Variants in PIK3C2G observed in about 807,000 individuals in gnomAD.
The protein encoded by PIK3C2G is phosphatidylinositol-4-phosphate 3-kinase catalytic subunit type 2 gamma.
In PIK3C2G, 168 loss-of-function variants were observed where a neutral mutation model predicts 181.1. The observed-to-expected ratio is 0.93, with a 90% CI of 0.82 to 1.05. The LOEUF is 1.05. PIK3C2G is among the 50% of genes least tolerant of loss of function. The probability of loss-of-function intolerance (pLI) is 0.00; values close to 1 mark genes in which losing one functional copy is unlikely to be tolerated. For synonymous variants in PIK3C2G, 573 were observed against 592.2 expected (o/e 0.97, Z 0.47); for missense variants, 1,869 against 1,732.8 (o/e 1.08, Z -1.40).
chr12:18,698,640 CT>C, the PIK3C2G span, among the ~76,000 whole-genome samples: 1 of 151,896 alleles, frequency 6.6e-6, no homozygotes, highest in Non-Finnish European at 1.5e-5. Context: ...ATTTTTTTAA[CT>C]TTTAATTTTT....
At chr12:18,390,585 T>G (rs1036820271) in intron 14 of PIK3C2G, among the ~76,000 whole-genome samples, 49 of 152,282 alleles carry the variant, frequency 3.2e-4, no homozygotes, top group African/African-American at 1.2e-3. Flanking sequence ...AAATATTCTA[T>G]TTGATTTTTT....
chr12:18,720,857 G>T, the PIK3C2G span, among the ~76,000 whole-genome samples: 1 of 152,044 alleles, frequency 6.6e-6, no homozygotes, highest in East Asian at 1.9e-4. Flanking sequence ...ATACTAAGCA[G>T]CCATTAAGAA....
chr12:18,597,795 C>T (rs1947460010), intron 30 of PIK3C2G, among the ~76,000 whole-genome samples: 1 of 151,866 alleles, frequency 6.6e-6, no homozygotes, highest in South Asian at 2.1e-4. Flanking sequence ...GCAACTTCAG[C>T]AAAGTCTCAG....
intron 11 of PIK3C2G, among the ~76,000 whole-genome samples, chr12:18,357,027 T>C (rs1940806205): frequency 6.6e-6 from 1 of 152,068 alleles, no homozygotes; most frequent in Non-Finnish European, 1.5e-5. Context: ...TCTGTATCAA[T>C]ACCAAACTCT....
intron 29 of PIK3C2G, among the ~76,000 whole-genome samples, chr12:18,585,436 AG>A (rs1946719532): frequency 6.6e-6 from 1 of 151,978 alleles, no homozygotes; most frequent in Admixed American, 6.6e-5. Flanking sequence ...AGATAAGAAA[AG>A]AAAAAAAAAA....
intron 10 of PIK3C2G, 90 bp downstream of exon 10, chr12:18,343,450 T>A (rs1477483134): frequency 1.2e-5 from 8 of 641,344 alleles, no homozygotes; most frequent in Non-Finnish European, 2.2e-5. Context: ...TTTATGCAAA[T>A]ACTGTGGTAA....
At chr12:18,655,907 T>C in the PIK3C2G span, among the ~76,000 whole-genome samples, 1,758 of 152,310 alleles carry the variant, frequency 0.012, 14 homozygotes, top group Non-Finnish European at 0.019. Flanking sequence ...GACTACTCTA[T>C]GTAATGTGGT....
chr12:18,587,744 C>CAACCA (rs1321799256), intron 29 of PIK3C2G, among the ~76,000 whole-genome samples: 3 of 150,528 alleles, frequency 2.0e-5, no homozygotes, highest in African/African-American at 4.9e-5. Flanking sequence ...ACAACAATAA[C>CAACCA]AACCAAACAA....
intron 5 of PIK3C2G, among the ~76,000 whole-genome samples, chr12:18,310,601 T>A (rs961879447): frequency 2.0e-5 from 3 of 151,858 alleles, no homozygotes; most frequent in Non-Finnish European, 4.4e-5. Context: ...AGTAATTAAA[T>A]TGAGATTGCA....
intron 1 of PIK3C2G, among the ~76,000 whole-genome samples, chr12:18,264,199 G>A (rs1243523610): frequency 2.0e-5 from 3 of 152,086 alleles, no homozygotes; most frequent in African/African-American, 7.2e-5. Flanking sequence ...AATAGAAAAT[G>A]TTTTTTAAGT....
intron 18 of PIK3C2G, among the ~76,000 whole-genome samples, chr12:18,429,969 CT>C (rs1946063573): frequency 1.3e-5 from 2 of 152,130 alleles, no homozygotes; most frequent in African/African-American, 4.8e-5. Context: ...ATTCCAGAGC[CT>C]CCCCATAAAT....
chr12:18,405,163 A>C (rs968069343), intron 16 of PIK3C2G, among the ~76,000 whole-genome samples: 9 of 152,202 alleles, frequency 5.9e-5, no homozygotes, highest in Admixed American at 1.3e-4. Context: ...TGGATATGTC[A>C]CATTTTTAAA....
At chr12:18,499,504 T>G (rs1469368864) in intron 22 of PIK3C2G, among the ~76,000 whole-genome samples, 1 of 152,214 alleles carries the variant, frequency 6.6e-6, no homozygotes, top group African/African-American at 2.4e-5. Context: ...ATTCTCATGG[T>G]CACTTTGTAT....
At chr12:18,638,686 A>G (rs1209261925) in intron 31 of PIK3C2G, among the ~76,000 whole-genome samples, 1 of 152,094 alleles carries the variant, frequency 6.6e-6, no homozygotes, top group Non-Finnish European at 1.5e-5. Context: ...ATAATGTTTA[A>G]CCAGATATCT....
intron 11 of PIK3C2G, among the ~76,000 whole-genome samples, chr12:18,359,775 T>G (rs1941070655): frequency 6.6e-6 from 1 of 152,174 alleles, no homozygotes; most frequent in Non-Finnish European, 1.5e-5. Flanking sequence ...CCACCCCTGC[T>G]CCCCTTGGTT....
chr12:18,377,015 C>T (rs1236165000), intron 13 of PIK3C2G, among the ~76,000 whole-genome samples: 1 of 152,162 alleles, frequency 6.6e-6, no homozygotes, highest in Admixed American at 6.5e-5. Flanking sequence ...CAAGAATAGC[C>T]TACACAACAG....
chr12:18,479,030 CAT>C (rs982498612), intron 18 of PIK3C2G, among the ~76,000 whole-genome samples: 4 of 147,756 alleles, frequency 2.7e-5, no homozygotes, highest in African/African-American at 7.4e-5. Context: ...TACACACACA[CAT>C]ATATACATTA....
intron 14 of PIK3C2G, 39 bp downstream of exon 14, chr12:18,381,919 G>C (rs745715323): frequency 1.7e-6 from 2 of 1,187,932 alleles, no homozygotes; most frequent in East Asian, 2.3e-5. Flanking sequence ...CACATGGCAA[G>C]TATTGGTTGA....
At chr12:18,522,290 T>C (rs1254331875) in intron 24 of PIK3C2G, among the ~76,000 whole-genome samples, 1 of 152,250 alleles carries the variant, frequency 6.6e-6, no homozygotes, top group African/African-American at 2.4e-5. Flanking sequence ...ACACCACCCT[T>C]AGAGTGTTAG....
Sources: gnomAD v4.1 joint callset for allele counts (sites outside exome capture counted in the v4.1 genomes callset) on GRCh38, gnomAD v4.1.1 for gene constraint, MANE v1.5 for transcripts, NCBI Gene and HGNC (gene_info 2026-07-23, HGNC 2026-07-21) for gene names.